The following PXDNL variants were observed in gnomAD, a reference collection of about 807,000 sequenced individuals.
PXDNL encodes the protein peroxidasin like, also known as probable oxidoreductase PXDNL.
PXDNL carries 145 observed loss-of-function variants against 150.8 expected under a neutral mutation model. The ratio of observed to expected loss-of-function variants is 0.96; its 90% confidence interval spans 0.84 to 1.10. PXDNL has a LOEUF of 1.10. Ranked by LOEUF, PXDNL falls within the 50% of genes least tolerant of loss-of-function variation. The pLI is 0.00. For synonymous variants in PXDNL, 757 were observed against 725.7 expected (o/e 1.04, Z -0.69); for missense variants, 2,087 against 1,873.9 (o/e 1.11, Z -2.10).
chr8:51,659,564 C>T (rs1196251392), intron 1 of PXDNL, among the ~76,000 whole-genome samples: 1 of 152,166 alleles, frequency 6.6e-6, no homozygotes, highest in African/African-American at 2.4e-5. Context: ...ACTAGCTCCA[C>T]GCGAACTATC....
intron 1 of PXDNL, among the ~76,000 whole-genome samples, chr8:51,670,326 C>T (rs1438457047): frequency 4.6e-5 from 7 of 152,110 alleles, no homozygotes; most frequent in Admixed American, 2.0e-4. Flanking sequence ...GATGGGGATA[C>T]GTTCATAGAA....
At chr8:51,580,915 A>AT in intron 3 of PXDNL, among the ~76,000 whole-genome samples, 1 of 152,240 alleles carries the variant, frequency 6.6e-6, no homozygotes, top group East Asian at 1.9e-4. Context: ...CTCCATAGAT[A>AT]TTTTTTTGCA....
intron 4 of PXDNL, among the ~76,000 whole-genome samples, chr8:51,555,362 A>G (rs1487398964): frequency 6.6e-6 from 1 of 152,184 alleles, no homozygotes; most frequent in Non-Finnish European, 1.5e-5. Context: ...ATCACCCCTT[A>G]AAGTTCCCAC....
chr8:51,734,095 T>C (rs72642964), intron 1 of PXDNL, among the ~76,000 whole-genome samples: 2,374 of 152,082 alleles, frequency 0.016, 40 homozygotes, highest in Admixed American at 0.022. Flanking sequence ...TTCCTGTCAT[T>C]ACATGAAACC....
chr8:51,405,300 C>T (rs767978747), intron 17 of PXDNL, among the ~76,000 whole-genome samples: 3 of 152,164 alleles, frequency 2.0e-5, no homozygotes, highest in Admixed American at 6.5e-5. Flanking sequence ...GTGCCCAGAG[C>T]GAGGGATTGC....
At chr8:51,720,910 C>CT (rs1394599462) in intron 1 of PXDNL, among the ~76,000 whole-genome samples, 3 of 152,242 alleles carry the variant, frequency 2.0e-5, no homozygotes, top group Non-Finnish European at 4.4e-5. Context: ...GAGGGAACTC[C>CT]ACAGGCTGAC....
chr8:51,421,407 A>G (rs943567272), intron 14 of PXDNL, among the ~76,000 whole-genome samples: 4 of 152,144 alleles, frequency 2.6e-5, no homozygotes, highest in African/African-American at 7.2e-5. Context: ...TTGTAACGTT[A>G]AGAAACTTTA....
intron 2 of PXDNL, among the ~76,000 whole-genome samples, chr8:51,633,885 C>G (rs1029583769): frequency 7.2e-5 from 11 of 152,098 alleles, no homozygotes; most frequent in Admixed American, 6.5e-5. Flanking sequence ...GAATACTAGA[C>G]TGTTATTGGA....
intron 1 of PXDNL, among the ~76,000 whole-genome samples, chr8:51,776,079 T>C (rs2037350064): frequency 6.6e-6 from 1 of 152,200 alleles, no homozygotes; most frequent in Admixed American, 6.5e-5. Flanking sequence ...CTCCCAGGCT[T>C]ATTAGGACGA....
At chr8:51,396,614 G>A (rs1326318731) in intron 17 of PXDNL, among the ~76,000 whole-genome samples, 1 of 152,114 alleles carries the variant, frequency 6.6e-6, no homozygotes, top group Non-Finnish European at 1.5e-5. Flanking sequence ...AAAATTAGCC[G>A]GGCATAGTGG....
chr8:51,700,168 T>TACACACAC (rs58406482), intron 1 of PXDNL, among the ~76,000 whole-genome samples: 3 of 139,918 alleles, frequency 2.1e-5, no homozygotes, highest in African/African-American at 8.9e-5. Flanking sequence ...TATGCCTGCA[T>TACACACAC]ACACACACAC....
chr8:51,519,848 C>CT (rs1811622550), intron 4 of PXDNL, among the ~76,000 whole-genome samples: 1 of 152,276 alleles, frequency 6.6e-6, no homozygotes, highest in South Asian at 2.1e-4. Context: ...AAAATAACTA[C>CT]TTTTTTTGGA....
At chr8:51,777,912 A>G (rs1563318516) in intron 1 of PXDNL, among the ~76,000 whole-genome samples, 1 of 152,168 alleles carries the variant, frequency 6.6e-6, no homozygotes, top group Non-Finnish European at 1.5e-5. Context: ...TCAAAAACAA[A>G]ACAAAACAAC....
At chr8:51,735,014 A>T (rs995230784) in intron 1 of PXDNL, among the ~76,000 whole-genome samples, 2 of 152,236 alleles carry the variant, frequency 1.3e-5, no homozygotes, top group African/African-American at 4.8e-5. Flanking sequence ...AACAACATAT[A>T]TTCTTGAAAA....
At chr8:51,589,592 T>C (rs1421072881) in intron 3 of PXDNL, among the ~76,000 whole-genome samples, 1 of 152,198 alleles carries the variant, frequency 6.6e-6, no homozygotes, top group East Asian at 1.9e-4. Flanking sequence ...GGTCACCCTG[T>C]TACACAGTTG....
rs767345537 is a variant in PXDNL at position 51,486,292 on chromosome 8, A to AT, written c.453-2579dup. On this transcript the variant is annotated intron_variant, in intron 5 of 22. Coordinates refer to ENST00000356297, the MANE Select transcript of PXDNL (RefSeq NM_144651.5). ...GTAAATATTGAAAAATCATTCTTGA[A>AT]TTTTTTTAATTTTGTACAAATGGTG... Among the ~76,000 whole-genome samples the AT allele has an allele frequency of 1.9e-3, 288 of 152,126 alleles. 4 individuals carry two copies. The highest frequency in any genetic ancestry group is 2.9e-4 in the Non-Finnish European group (20 of 68,028).
At chr8:51,740,505 C>T (rs2036892299) in intron 1 of PXDNL, among the ~76,000 whole-genome samples, 1 of 152,162 alleles carries the variant, frequency 6.6e-6, no homozygotes, top group South Asian at 2.1e-4. Flanking sequence ...TGCTTCTTGA[C>T]TTTTTAATAA....
At chr8:51,457,221 T>C (rs1809955682) in intron 9 of PXDNL, among the ~76,000 whole-genome samples, 1 of 152,208 alleles carries the variant, frequency 6.6e-6, no homozygotes, top group South Asian at 2.1e-4. Flanking sequence ...TAAGTAACAC[T>C]GGTTCACTCT....
chr8:51,538,843 A>G (rs1812149493), intron 4 of PXDNL, among the ~76,000 whole-genome samples: 1 of 152,232 alleles, frequency 6.6e-6, no homozygotes, highest in Admixed American at 6.5e-5. Flanking sequence ...GCTATAAACC[A>G]CTAAACAAAA....
Sources: allele counts gnomAD v4.1 joint callset (sites outside exome capture counted in the v4.1 genomes callset), GRCh38; gene constraint gnomAD v4.1.1; transcripts MANE v1.5; gene names NCBI Gene and HGNC (gene_info 2026-07-23, HGNC 2026-07-21).